The following PPME1 variants were observed in gnomAD, a reference collection of about 807,000 sequenced individuals.
The protein encoded by PPME1 is testicular secretory protein Li 39.
PPME1 carries 17 observed loss-of-function variants against 56.9 expected under a neutral mutation model. The ratio of observed to expected loss-of-function variants is 0.30; its 90% CI spans 0.20 to 0.45. The LOEUF is 0.45. PPME1 is among the 20% of genes least tolerant of loss of function. The pLI, the probability that PPME1 is intolerant of heterozygous loss-of-function variation, is 1.00. For synonymous variants in PPME1, 122 were observed against 156.2 expected (o/e 0.78, Z 1.63); for missense variants, 357 against 483.2 (o/e 0.74, Z 2.45).
At chr11:74,233,149 T>C (rs1358708231) in intron 7 of PPME1, among the ~76,000 whole-genome samples, 1 of 152,088 alleles carries the variant, frequency 6.6e-6, no homozygotes, top group Admixed American at 6.6e-5. Context: ...AGGAAACACA[T>C]AAACATAACA....
At chr11:74,245,416 T>C (rs1859477848) in intron 9 of PPME1, among the ~76,000 whole-genome samples, 1 of 152,226 alleles carries the variant, frequency 6.6e-6, no homozygotes, top group African/African-American at 2.4e-5. Flanking sequence ...CAGAAAAATA[T>C]AGAGAATTAT....
At chr11:74,182,071 C>T (rs568730605) in intron 1 of PPME1, among the ~76,000 whole-genome samples, 4 of 152,318 alleles carry the variant, frequency 2.6e-5, no homozygotes, top group Admixed American at 2.0e-4. Flanking sequence ...TGTAGTTTGC[C>T]AACCCAGTTA....
At chr11:74,231,134 T>C in intron 7 of PPME1, 132 bp downstream of exon 7, 1 of 727,800 alleles carries the variant, frequency 1.4e-6, no homozygotes, top group Non-Finnish European at 2.3e-6. Context: ...CCTAGCTCAC[T>C]GCAACCTTGA....
intron 3 of PPME1, among the ~76,000 whole-genome samples, chr11:74,208,257 A>G (rs1455447620): frequency 6.6e-6 from 1 of 151,196 alleles, no homozygotes; most frequent in African/African-American, 2.4e-5. Flanking sequence ...GGTTGCAGTG[A>G]GTCGAGATCG....
intron 3 of PPME1, 48 bp downstream of exon 3, chr11:74,204,493 A>G: frequency 2.0e-6 from 3 of 1,472,906 alleles, no homozygotes; most frequent in Non-Finnish European, 2.8e-6. Flanking sequence ...CTTTTGAACT[A>G]ATGAAAGTAT....
intron 5 of PPME1, among the ~76,000 whole-genome samples, chr11:74,227,631 C>T (rs1214435346): frequency 6.6e-6 from 1 of 152,112 alleles, no homozygotes; most frequent in East Asian, 1.9e-4. Context: ...ATTAACCTAG[C>T]ATTAAAATAT....
intron 1 of PPME1, among the ~76,000 whole-genome samples, chr11:74,174,380 ATTCAGTC>A (rs1439103745): frequency 6.6e-6 from 1 of 152,076 alleles, no homozygotes; most frequent in African/African-American, 2.4e-5. Flanking sequence ...ATAATCTAGG[ATTCAGTC>A]TTTTTCTTCA....
intron 1 of PPME1, among the ~76,000 whole-genome samples, chr11:74,191,510 A>G (rs1857836437): frequency 6.6e-6 from 1 of 152,212 alleles, no homozygotes; most frequent in African/African-American, 2.4e-5. Flanking sequence ...ATCTAAGACA[A>G]TGGGGGCAAG....
intron 11 of PPME1, chr11:74,248,606 T>C (rs932902779): frequency 2.6e-5 from 4 of 152,218 alleles, no homozygotes; most frequent in African/African-American, 7.2e-5. Context: ...GTGTGATTTT[T>C]TTTCCATGGC....
chr11:74,228,946 G>A (rs890437018), intron 5 of PPME1, among the ~76,000 whole-genome samples: 9 of 152,220 alleles, frequency 5.9e-5, no homozygotes, highest in Non-Finnish European at 1.2e-4. Context: ...TATCGCTTTG[G>A]ATGACTGCCT....
chr11:74,201,329 G>A (rs542532520), intron 1 of PPME1, among the ~76,000 whole-genome samples: 5 of 151,770 alleles, frequency 3.3e-5, no homozygotes, highest in Non-Finnish European at 7.3e-5. Flanking sequence ...GAAGTGGAGG[G>A]TGTTCTCCTG....
At chr11:74,180,451 C>T (rs1355680568) in intron 1 of PPME1, among the ~76,000 whole-genome samples, 2 of 152,312 alleles carry the variant, frequency 1.3e-5, no homozygotes, top group Non-Finnish European at 2.9e-5. Flanking sequence ...CATCAGTTCC[C>T]TTAAGATGGT....
At chr11:74,175,274 G>A (rs989729296) in intron 1 of PPME1, among the ~76,000 whole-genome samples, 71 of 152,052 alleles carry the variant, frequency 4.7e-4, no homozygotes, top group Non-Finnish European at 8.5e-4. Flanking sequence ...AGGCCGAGGC[G>A]GGTGGATCAC....
At chr11:74,177,372 C>A (rs1037866293) in intron 1 of PPME1, among the ~76,000 whole-genome samples, 1 of 151,754 alleles carries the variant, frequency 6.6e-6, no homozygotes, top group Non-Finnish European at 1.5e-5. Flanking sequence ...TCATTTGAGT[C>A]CGGGAAGCAA....
At chr11:74,222,988 T>C (rs1858838062) in intron 4 of PPME1, among the ~76,000 whole-genome samples, 3 of 151,954 alleles carry the variant, frequency 2.0e-5, no homozygotes, top group African/African-American at 7.3e-5. Context: ...CATGTGCACA[T>C]TGTGCAGGTT....
At chr11:74,190,879 A>G in intron 1 of PPME1, among the ~76,000 whole-genome samples, 1 of 152,248 alleles carries the variant, frequency 6.6e-6, no homozygotes, top group East Asian at 1.9e-4. Flanking sequence ...AAAAGTCATC[A>G]TGTTATGCCC....
chr11:74,172,413 G>A (rs1169169901), intron 1 of PPME1, among the ~76,000 whole-genome samples: 2 of 152,180 alleles, frequency 1.3e-5, no homozygotes, highest in Admixed American at 6.5e-5. Context: ...GTAAGGTCTG[G>A]GAAGCTTAGA....
In PPME1 at chr11:74,253,707, A is replaced by G. The variant is rs1393620220; in HGVS notation, c.*197A>G. On this transcript the variant is annotated 3_prime_UTR_variant, in exon 14 of 14. Transcript: ENST00000328257. Reference sequence around the variant, plus strand: ...TTGTTTTCCAGGGCCCTTGACCAACATCGGCTTCCCCAGTCCAGGGCTCCC... The same window carrying G: ...TTGTTTTCCAGGGCCCTTGACCAACGTCGGCTTCCCCAGTCCAGGGCTCCC... 7.8e-6 allele frequency: 5 copies of G among 643,512 alleles called. No homozygotes were observed. Among genetic ancestry groups the G allele is most frequent in the Admixed American group, 2.5e-5 (1 of 39,960 alleles). 39.9% of individuals were successfully genotyped at this position (643,512 alleles called of 1,614,324 possible).
chr11:74,238,971 G>A (rs1321540240), intron 8 of PPME1, 162 bp from the exon 9 acceptor site: 1 of 701,540 alleles, frequency 1.4e-6, no homozygotes, highest in Non-Finnish European at 2.3e-6. Flanking sequence ...CATTGGCCAT[G>A]ATTTTCCACA....
Sources: gnomAD v4.1 joint callset for allele counts (sites outside exome capture counted in the v4.1 genomes callset) on GRCh38, gnomAD v4.1.1 for gene constraint, MANE v1.5 for transcripts, NCBI Gene and HGNC (gene_info 2026-07-23, HGNC 2026-07-21) for gene names.